Variants in DCX observed in about 807,000 individuals in gnomAD.
DCX encodes doublecortin.
Under a neutral mutation model 20.9 loss-of-function variants are expected in DCX, and 4 were observed. The observed-to-expected ratio is 0.19, with a 90% CI of 0.09 to 0.44. DCX has a LOEUF of 0.44. DCX is among the 20% of genes least tolerant of loss of function. DCX has a pLI of 0.99. For synonymous variants in DCX, 103 were observed against 111.4 expected, an observed-to-expected ratio of 0.92 and a Z score of 0.47; for missense variants, 133 against 296.9, an observed-to-expected ratio of 0.45 and a Z score of 4.06.
At position 111,358,904 on chromosome X, in the gene DCX, C is replaced by T. The variant is rs186898950; in HGVS notation, c.706-25751G>A. Among the ~76,000 whole-genome samples, 982 of 111,628 alleles carry T rather than the reference C, an allele frequency of 8.8e-3. 4 individuals carry two copies. Among genetic ancestry groups the T allele is most frequent in the Non-Finnish European group, 0.014 (722 of 53,023 alleles). On this transcript the variant is annotated intron_variant, in intron 3 of 6. Coordinates refer to ENST00000636035, the MANE Select transcript of DCX (RefSeq NM_001195553.2). ...ATAAGTCTACAATAAATCTATTATA[C>T]CTATTTGGTGAAAATTATATAATCT...
intron 3 of DCX, among the ~76,000 whole-genome samples, chrX:111,336,249 C>T: frequency 8.9e-6 from 1 of 112,110 alleles, no homozygotes; most frequent in South Asian, 3.8e-4. Flanking sequence ...CCACCCTCCT[C>T]CAACCACAAG....
chrX:111,367,673 A>G (rs1411871765), intron 3 of DCX, among the ~76,000 whole-genome samples: 1 of 111,635 alleles, frequency 9.0e-6, no homozygotes, highest in African/African-American at 3.3e-5. Flanking sequence ...ATTATAAGCA[A>G]TGTGCTGTGT....
At chrX:111,377,092 T>C (rs1313342766) in intron 3 of DCX, among the ~76,000 whole-genome samples, 1 of 111,646 alleles carries the variant, frequency 9.0e-6, no homozygotes, top group Non-Finnish European at 1.9e-5. Context: ...AGGAAACACC[T>C]GACCCCTCCT....
At chrX:111,369,449 A>G (rs925427397) in intron 3 of DCX, among the ~76,000 whole-genome samples, 3 of 112,108 alleles carry the variant, frequency 2.7e-5, no homozygotes, top group African/African-American at 9.7e-5. Flanking sequence ...GAAACCCCTT[A>G]GCAGTCAATT....
At chrX:111,408,565 C>A (rs771742585) in intron 2 of DCX, among the ~76,000 whole-genome samples, 1 of 106,294 alleles carries the variant, frequency 9.4e-6, no homozygotes, top group Admixed American at 1.0e-4. Flanking sequence ...CATGCCATTG[C>A]ACTCCAGCCT....
At chrX:111,375,518 T>C (rs1380992790) in intron 3 of DCX, among the ~76,000 whole-genome samples, 1 of 111,724 alleles carries the variant, frequency 9.0e-6, no homozygotes, top group African/African-American at 3.2e-5. Context: ...TTAAGGCTTC[T>C]TGATGGTTAA....
In DCX at chrX:111,294,861, T is replaced by C. The variant is rs1041285858; in HGVS notation, c.*6826A>G. Reference sequence around the variant, plus strand: ...CAACCACCAATTACAGCTGTTTTGCTACAGGTACTCAATTCTAACTACAGC... The same window carrying C: ...CAACCACCAATTACAGCTGTTTTGCCACAGGTACTCAATTCTAACTACAGC... On this transcript the variant is annotated 3_prime_UTR_variant, in exon 7 of 7. Transcript: ENST00000636035. 3 of 112,706 alleles carry C rather than the reference T, an allele frequency of 2.7e-5. No individual in the cohort carries two copies. Among genetic ancestry groups the C allele is most frequent in the African/African-American group, 9.7e-5 (3 of 30,970 alleles). The allele number at this position is 112,706 out of a possible 1,213,427, so 9.3% of individuals were successfully genotyped here.
intron 3 of DCX, among the ~76,000 whole-genome samples, chrX:111,381,771 G>A (rs1304128197): frequency 9.0e-6 from 1 of 111,323 alleles, no homozygotes; most frequent in African/African-American, 3.3e-5. Flanking sequence ...TGAATATTAG[G>A]CTATGTGTCG....
intron 5 of DCX, among the ~76,000 whole-genome samples, chrX:111,327,922 G>A (rs2095103273): frequency 1.8e-5 from 2 of 112,650 alleles, no homozygotes; most frequent in Non-Finnish European, 3.8e-5. Flanking sequence ...GCCCTTCAGG[G>A]TTGGAATCAT....
At position 111,312,782 on chromosome X, in the gene DCX, A is replaced by G. The variant is rs113181679; in HGVS notation, c.947-46T>C. On this transcript the variant is annotated intron_variant, in intron 5 of 6. Coordinates refer to ENST00000636035, the MANE Select transcript of DCX (RefSeq NM_001195553.2). Reference sequence around the variant, plus strand: ...AGGAAGGGATAAAAATCAACAGCATACAAAGGAGCAAGTTATCCTTCCCCT... The same window carrying G: ...AGGAAGGGATAAAAATCAACAGCATGCAAAGGAGCAAGTTATCCTTCCCCT... The G allele has an allele frequency of 0.021, 23,247 of 1,133,172 alleles. 240 individuals are homozygous for G. Among genetic ancestry groups the G allele is most frequent in the Non-Finnish European group, 0.025 (20,455 of 826,333 alleles). 93.4% of individuals were successfully genotyped at this position (1,133,172 alleles called of 1,213,427 possible). A position where few individuals can be genotyped will look rare whatever the true frequency, so the allele number is the denominator to read the frequency against.
intron 3 of DCX, among the ~76,000 whole-genome samples, chrX:111,364,916 A>AC (rs763305996): frequency 1.4e-4 from 15 of 108,841 alleles, no homozygotes; most frequent in African/African-American, 5.0e-4. Flanking sequence ...ACGGGGTCTC[A>AC]CTCTGTTGCC....
Position 111,299,924 on chromosome X carries a change from C to A in DCX, c.*1763G>T, listed in dbSNP as rs1022294101. 3.6e-5 allele frequency: 4 copies of A among 111,056 alleles called. No homozygotes were observed. The highest frequency in any genetic ancestry group is 1.3e-4 in the African/African-American group (4 of 30,489). 9.2% of individuals were successfully genotyped at this position (111,056 alleles called of 1,213,427 possible). Reference sequence around the variant, plus strand: ...CACAGTGCACATCAGCAGTGCCACCCAGTTGCCACCAATCCATTACAGGGG... The same window carrying A: ...CACAGTGCACATCAGCAGTGCCACCAAGTTGCCACCAATCCATTACAGGGG... On this transcript the variant is annotated 3_prime_UTR_variant, in exon 7 of 7. Coordinates refer to ENST00000636035, the MANE Select transcript of DCX (RefSeq NM_001195553.2).
rs755495865 is a variant in DCX, at chrX:111,410,319, G to A, written c.80C>T (p.Pro27Leu). Reference protein sequence around the residue: ...NMRGSRMNGLPSPTHSAHCSF... With the variant: ...NMRGSRMNGLLSPTHSAHCSF... ...ACAGTGGGCGCTGTGAGTGGGGCTA[G>A]GCAACCCATTCATCCGGGAGCCTCG... is the stretch of plus-strand genomic sequence containing the variant. Residue 27 changes from proline to leucine, a missense_variant, in exon 2 of 7, where the codon CCT (proline) becomes CTT (leucine). Coordinates refer to ENST00000636035, the MANE Select transcript of DCX (RefSeq NM_001195553.2). The A allele has an allele frequency of 8.3e-7, 1 of 1,209,310 alleles. No homozygotes were observed. The highest frequency in any genetic ancestry group is 3.0e-5 in the East Asian group (1 of 33,692).
chrX:111,329,348 T>C (rs1356893945), intron 5 of DCX, among the ~76,000 whole-genome samples: 2 of 111,883 alleles, frequency 1.8e-5, no homozygotes, highest in Non-Finnish European at 3.8e-5. Context: ...TAGGTACTGT[T>C]GTGCATCTAT....
intron 3 of DCX, among the ~76,000 whole-genome samples, chrX:111,380,346 T>C (rs1367703026): frequency 1.8e-5 from 2 of 112,011 alleles, no homozygotes; most frequent in South Asian, 7.3e-4. Context: ...AATTTTTATA[T>C]ATGCTGTGAG....
At chrX:111,405,220 C>T (rs763117109) in intron 2 of DCX, among the ~76,000 whole-genome samples, 1 of 112,054 alleles carries the variant, frequency 8.9e-6, no homozygotes, top group East Asian at 2.8e-4. Flanking sequence ...AAGCTTCTGC[C>T]TGGGTTTTCT....
At chrX:111,314,415 A>T (rs1406177596) in intron 5 of DCX, among the ~76,000 whole-genome samples, 3 of 112,072 alleles carry the variant, frequency 2.7e-5, no homozygotes, top group Non-Finnish European at 5.6e-5. Flanking sequence ...GAATTCAGAG[A>T]ACAGACTTTG....
intron 3 of DCX, among the ~76,000 whole-genome samples, chrX:111,360,390 T>G (rs1417508048): frequency 1.8e-5 from 2 of 110,729 alleles, no homozygotes; most frequent in African/African-American, 6.6e-5. Flanking sequence ...GATCTAAAAA[T>G]CAAAATAGCT....
chrX:111,350,354 G>A (rs907764219), intron 3 of DCX, among the ~76,000 whole-genome samples: 1 of 111,807 alleles, frequency 8.9e-6, no homozygotes, highest in Non-Finnish European at 1.9e-5. Context: ...TAGTGATTAA[G>A]CAATAATAAT....
Sources: gnomAD v4.1 joint callset for allele counts (sites outside exome capture counted in the v4.1 genomes callset) on GRCh38, gnomAD v4.1.1 for gene constraint, MANE v1.5 for transcripts, NCBI Gene and HGNC (gene_info 2026-07-23, HGNC 2026-07-21) for gene names.